Variants in AGTPBP1 observed in about 807,000 individuals in gnomAD.
The protein encoded by AGTPBP1 is cytosolic carboxypeptidase 1.
A neutral mutation model predicts 143.9 loss-of-function variants in AGTPBP1; 70 were observed. The observed-to-expected ratio is 0.49, with a 90% CI of 0.40 to 0.59. AGTPBP1 has a LOEUF of 0.59. AGTPBP1 is among the 20% of genes least tolerant of loss of function. The probability of loss-of-function intolerance (pLI) is 0.00; values close to 1 mark genes in which losing one functional copy is unlikely to be tolerated. For synonymous variants in AGTPBP1, 463 were observed against 500.2 expected, an observed-to-expected ratio of 0.93 and a Z score of 0.99; for missense variants, 1,229 against 1,464.5, an observed-to-expected ratio of 0.84 and a Z score of 2.62.
At chr9:85,569,956 C>G (rs1207721890) in intron 25 of AGTPBP1, among the ~76,000 whole-genome samples, 1 of 152,184 alleles carries the variant, frequency 6.6e-6, no homozygotes, top group East Asian at 1.9e-4. Context: ...TCAGCCTTAA[C>G]TTTTCTAAGC....
chr9:85,662,428 A>G (rs1465546816), intron 8 of AGTPBP1, among the ~76,000 whole-genome samples: 2 of 152,216 alleles, frequency 1.3e-5, no homozygotes, highest in Non-Finnish European at 2.9e-5. Flanking sequence ...GCATTGAATT[A>G]TCAGTAAGAA....
intron 24 of AGTPBP1, among the ~76,000 whole-genome samples, chr9:85,578,628 C>T (rs1828044557): frequency 6.6e-6 from 1 of 151,988 alleles, no homozygotes; most frequent in Non-Finnish European, 1.5e-5. Context: ...TTATAAATTA[C>T]TAATGAGTAA....
intron 13 of AGTPBP1, among the ~76,000 whole-genome samples, chr9:85,635,558 T>C (rs1831983120): frequency 2.0e-5 from 3 of 152,154 alleles, no homozygotes; most frequent in Admixed American, 1.3e-4. Flanking sequence ...TATTTTAAGT[T>C]TGTCATTAAG....
chr9:85,611,902 G>C (rs902901891), intron 17 of AGTPBP1, among the ~76,000 whole-genome samples: 1 of 151,954 alleles, frequency 6.6e-6, no homozygotes, highest in Non-Finnish European at 1.5e-5. Context: ...GGCTGGTCTC[G>C]AACTCCTGAC....
intron 11 of AGTPBP1, among the ~76,000 whole-genome samples, chr9:85,651,961 C>T (rs556074095): frequency 6.6e-6 from 1 of 152,224 alleles, no homozygotes; most frequent in African/African-American, 2.4e-5. Context: ...GCTGCTAAAT[C>T]CCTTGGAATT....
chr9:85,548,038 T>G lies in AGTPBP1; in HGVS notation c.3504-752A>C, dbSNP rs181759074. Among the ~76,000 whole-genome samples the G allele has an allele frequency of 2.5e-3, 379 of 152,268 alleles. 2 individuals are homozygous for G. The highest frequency in any genetic ancestry group is 9.8e-3 in the Admixed American group (150 of 15,290). On this transcript the variant is annotated intron_variant, in intron 25 of 25. Coordinates refer to ENST00000357081, the MANE Select transcript of AGTPBP1 (RefSeq NM_001330701.2). ...ACACCCCCCCACACAAAATATCAAA[T>G]AAACACTACAGAAACATTTTAGAAT...
chr9:85,710,161 T>C (rs1318099778), intron 2 of AGTPBP1, among the ~76,000 whole-genome samples: 1 of 152,170 alleles, frequency 6.6e-6, no homozygotes, highest in African/African-American at 2.4e-5. Context: ...AAAAAGAGAA[T>C]AGGGCTCTTT....
intron 7 of AGTPBP1, among the ~76,000 whole-genome samples, chr9:85,671,709 G>T (rs1834491625): frequency 6.6e-6 from 1 of 152,084 alleles, no homozygotes; most frequent in South Asian, 2.1e-4. Flanking sequence ...CACACCTCAT[G>T]CGTGGAACCT....
At position 85,547,207 on chromosome 9, in the gene AGTPBP1, A is replaced by C; in HGVS notation, c.3583T>G (p.Leu1195Val). 1.2e-6 allele frequency: 2 copies of C among 1,613,786 alleles called. No individual in the cohort carries two copies. Among genetic ancestry groups the C allele is most frequent in the Non-Finnish European group, 1.7e-6 (2 of 1,179,878 alleles). The change falls in exon 26 of 26, where the codon TTA (leucine) becomes GTA (valine). Residue 1195 changes from leucine to valine, a missense_variant. Transcript: ENST00000357081. ...ACATTTTCAGCCAACTCAATATCTA[A>C]CTCATCATTACTTTCTGCACTGTAA... The part of the protein sequence containing the change: ...VDYSAESNDE[L>V]DIELAENVGD...
chr9:85,620,976 A>G (rs747398019), intron 15 of AGTPBP1, among the ~76,000 whole-genome samples: 2 of 152,164 alleles, frequency 1.3e-5, no homozygotes, highest in Non-Finnish European at 2.9e-5. Flanking sequence ...AAAACAAACA[A>G]AATCTCGTGA....
chr9:85,752,860 A>T, the AGTPBP1 span, among the ~76,000 whole-genome samples: 186 of 152,272 alleles, frequency 1.2e-3, 1 homozygote, highest in African/African-American at 4.3e-3. Context: ...AAAAATTTTT[A>T]AAAAATTAGC....
At chr9:85,771,094 T>G in the AGTPBP1 span, among the ~76,000 whole-genome samples, 2 of 152,246 alleles carry the variant, frequency 1.3e-5, no homozygotes, top group African/African-American at 4.8e-5. Flanking sequence ...CTTTTCCACT[T>G]AAGTTATATA....
At position 85,655,114 on chromosome 9, in the gene AGTPBP1, A is replaced by G. The variant is rs1473972806; in HGVS notation, c.1087+29T>C. ...GGGTCACATAATTCTAAGAACCCACAAAAAGCAGCAGTGACCCTGTGATCC... is the reference window on the plus strand; with the variant it reads ...GGGTCACATAATTCTAAGAACCCACGAAAAGCAGCAGTGACCCTGTGATCC... On this transcript the variant is annotated intron_variant, in intron 11 of 25. Transcript: ENST00000357081. 6 of 1,517,556 alleles carry G rather than the reference A, an allele frequency of 4.0e-6. No individual in the cohort carries two copies. The African/African-American group carries it at 7.1e-5, about 18-fold the overall frequency. 94.0% of individuals were successfully genotyped at this position (1,517,556 alleles called of 1,614,324 possible). A position where few individuals can be genotyped will look rare whatever the true frequency, so the allele number is the denominator to read the frequency against.
chr9:85,584,315 T>G (rs959513464), intron 23 of AGTPBP1, among the ~76,000 whole-genome samples: 13 of 152,204 alleles, frequency 8.5e-5, no homozygotes, highest in African/African-American at 2.9e-4. Context: ...ACACACATTC[T>G]TGGGCTCTCC....
intron 25 of AGTPBP1, among the ~76,000 whole-genome samples, chr9:85,562,796 T>C (rs1243526168): frequency 6.6e-6 from 1 of 152,188 alleles, no homozygotes; most frequent in African/African-American, 2.4e-5. Flanking sequence ...TTATATAATA[T>C]CTGAAATTGG....
In AGTPBP1 at chr9:85,592,610, C is replaced by T; in HGVS notation, c.2518G>A (p.Asp840Asn). 6.2e-7 allele frequency: 1 copy of T among 1,611,998 alleles called. No homozygotes were observed. Among genetic ancestry groups the T allele is most frequent in the Non-Finnish European group, 8.5e-7 (1 of 1,179,182 alleles). The change falls in exon 19 of 26, where the codon GAT (aspartate) becomes AAT (asparagine). Residue 840 changes from aspartate to asparagine, a missense_variant. Physicochemically the swap from Asp to Asn is conservative, Grantham distance 23. Around this residue, in one of 2 missense-constraint regions of AGTPBP1, gnomAD observed 486 missense variants for 652.3 expected, o/e 0.75. Coordinates refer to ENST00000357081, the MANE Select transcript of AGTPBP1 (RefSeq NM_001330701.2). The part of the protein sequence containing the change: ...TFTVNFPHKD[D>N]VCYFAYHYPY... ...TAGTGATAAGCAAAGTAGCAAACATCATCTTTATGTGGAAAATTGACAGTA... is the reference window on the plus strand; with the variant it reads ...TAGTGATAAGCAAAGTAGCAAACATTATCTTTATGTGGAAAATTGACAGTA...
chr9:85,571,761 A>G (rs1213616761), intron 25 of AGTPBP1, among the ~76,000 whole-genome samples: 3 of 152,192 alleles, frequency 2.0e-5, no homozygotes, highest in Non-Finnish European at 2.9e-5. Flanking sequence ...CATAATCTGA[A>G]TATAATCATG....
intron 2 of AGTPBP1, among the ~76,000 whole-genome samples, chr9:85,699,435 T>C (rs993609995): frequency 3.3e-5 from 5 of 152,216 alleles, no homozygotes; most frequent in Non-Finnish European, 7.3e-5. Flanking sequence ...CCCAATGATA[T>C]GCAGATACTG....
At chr9:85,570,202 G>A (rs548612651) in intron 25 of AGTPBP1, among the ~76,000 whole-genome samples, 2 of 152,322 alleles carry the variant, frequency 1.3e-5, no homozygotes, top group East Asian at 3.9e-4. Context: ...CATGTCCCAG[G>A]TGGAATGGAG....
Sources: allele counts gnomAD v4.1 joint callset (sites outside exome capture counted in the v4.1 genomes callset), GRCh38; gene constraint gnomAD v4.1.1; regional missense constraint gnomAD v4.1.1; transcripts MANE v1.5; gene names NCBI Gene and HGNC (gene_info 2026-07-23, HGNC 2026-07-21).